DPP10: variants seen among roughly 807,000 people sequenced by gnomAD.
DPP10 encodes inactive dipeptidyl peptidase 10.
Under a neutral mutation model 120.9 loss-of-function variants are expected in DPP10, and 33 were observed. The ratio of observed to expected loss-of-function variants is 0.27; its 90% CI spans 0.21 to 0.37. The LOEUF (loss-of-function observed/expected upper bound fraction) is 0.37, where lower values mean the gene tolerates loss of function less well. Among genes scored for constraint, DPP10 ranks in the 10% least tolerant of loss-of-function variants. The probability of loss-of-function intolerance (pLI) is 1.00; values close to 1 mark genes in which losing one functional copy is unlikely to be tolerated. For synonymous variants in DPP10, 337 were observed against 326.1 expected, an observed-to-expected ratio of 1.03 and a Z score of -0.36; for missense variants, 816 against 942.8, an observed-to-expected ratio of 0.87 and a Z score of 1.76.
intron 1 of DPP10, among the ~76,000 whole-genome samples, chr2:114,529,549 C>T: frequency 6.6e-6 from 1 of 152,080 alleles, no homozygotes; most frequent in East Asian, 1.9e-4. Context: ...TTTTATTGTT[C>T]CTTGAAATTG....
chr2:115,832,339 A>T (rs529298282), intron 21 of DPP10, among the ~76,000 whole-genome samples: 20 of 152,086 alleles, frequency 1.3e-4, no homozygotes, highest in Non-Finnish European at 2.6e-4. Context: ...TAAATACAAA[A>T]ATTAGCTGGG....
chr2:115,599,204 A>G (rs766744669), intron 5 of DPP10, among the ~76,000 whole-genome samples: 2 of 152,106 alleles, frequency 1.3e-5, no homozygotes, highest in Non-Finnish European at 2.9e-5. Flanking sequence ...TAAATTTAAC[A>G]TCTTGTTCAT....
intron 3 of DPP10, among the ~76,000 whole-genome samples, chr2:115,382,539 G>A (rs955455584): frequency 6.6e-6 from 1 of 152,318 alleles, no homozygotes; most frequent in African/African-American, 2.4e-5. Flanking sequence ...CACCCTGGGA[G>A]CTGTAGACTG....
chr2:115,719,996 G>A (rs2092604609), intron 7 of DPP10, among the ~76,000 whole-genome samples: 1 of 152,116 alleles, frequency 6.6e-6, no homozygotes. Flanking sequence ...ATTTTTGTAT[G>A]CGTCTTTTGA....
chr2:115,306,578 T>A (rs906899602), intron 1 of DPP10, among the ~76,000 whole-genome samples: 4 of 152,060 alleles, frequency 2.6e-5, no homozygotes, highest in Non-Finnish European at 5.9e-5. Flanking sequence ...AACACCATGC[T>A]TTAGAAATGT....
At chr2:114,462,761 G>A (rs1361404401) in intron 1 of DPP10, among the ~76,000 whole-genome samples, 6 of 152,118 alleles carry the variant, frequency 3.9e-5, no homozygotes, top group African/African-American at 4.8e-5. Context: ...CTACCCTTAC[G>A]TGGTGGGGAA....
chr2:115,068,249 A>G (rs544917003), intron 1 of DPP10, among the ~76,000 whole-genome samples: 151 of 151,992 alleles, frequency 9.9e-4, no homozygotes, highest in Non-Finnish European at 1.9e-3. Context: ...TCTTTTTGAT[A>G]ATAGCCATTC....
intron 1 of DPP10, among the ~76,000 whole-genome samples, chr2:114,886,996 A>ATTTGTTG (rs1692126812): frequency 6.6e-5 from 10 of 151,988 alleles, no homozygotes; most frequent in Non-Finnish European, 1.0e-4. Flanking sequence ...ATTATTTGTT[A>ATTTGTTG]TATTTTGCTT....
chr2:115,157,626 G>T (rs1047846797), intron 1 of DPP10, among the ~76,000 whole-genome samples: 1 of 152,176 alleles, frequency 6.6e-6, no homozygotes. Context: ...TCAGCATACT[G>T]GTTTTCTGTC....
rs77555303 is a variant in DPP10, at chr2:114,580,172, A to G, written c.60+137334A>G. 9.2e-5 allele frequency among the ~76,000 whole-genome samples: 14 copies of G among 152,262 alleles called. No homozygotes were observed. The East Asian group carries it at 1.9e-3, about 21-fold the overall frequency. On this transcript the variant is annotated intron_variant, in intron 1 of 25. Transcript: ENST00000410059. ...CCTCAGTCTCCTGCCAGCAGAAGCAAATGTATTTTCTCCATTTAAAAGAGT... is the reference window on the plus strand; with the variant it reads ...CCTCAGTCTCCTGCCAGCAGAAGCAGATGTATTTTCTCCATTTAAAAGAGT...
rs141768041 is a variant in DPP10, at chr2:115,641,438, A to G, written c.442-48249A>G. On this transcript the variant is annotated intron_variant, in intron 5 of 25. Transcript: ENST00000410059. ...CCCCAAATGTGCCCACCTCATTTCC[A>G]TCTTTGTCTCTGCTCTTCCCGTTCA... 3.9e-5 allele frequency among the ~76,000 whole-genome samples: 6 copies of G among 152,212 alleles called. No individual in the cohort carries two copies. The East Asian group carries it at 1.2e-3, about 29-fold the overall frequency.
At chr2:115,489,532 C>G (rs1418403666) in intron 3 of DPP10, among the ~76,000 whole-genome samples, 1 of 151,132 alleles carries the variant, frequency 6.6e-6, no homozygotes, top group Non-Finnish European at 1.5e-5. Flanking sequence ...CCCTTTGTGG[C>G]TAATTAAAAA....
At chr2:114,740,791 G>T (rs1677972269) in intron 1 of DPP10, among the ~76,000 whole-genome samples, 1 of 152,190 alleles carries the variant, frequency 6.6e-6, no homozygotes, top group Non-Finnish European at 1.5e-5. Context: ...TGATTAGGTT[G>T]CTTTCCAAAA....
chr2:115,506,513 G>T (rs144761181), intron 4 of DPP10, among the ~76,000 whole-genome samples: 1 of 151,962 alleles, frequency 6.6e-6, no homozygotes, highest in African/African-American at 2.4e-5. Context: ...AATATTACTA[G>T]CTGAGAATTC....
intron 2 of DPP10, among the ~76,000 whole-genome samples, chr2:115,342,702 C>T (rs2063510125): frequency 6.6e-6 from 1 of 152,146 alleles, no homozygotes; most frequent in Admixed American, 6.5e-5. Flanking sequence ...TATATCATCA[C>T]CTAACAGCAT....
intron 1 of DPP10, among the ~76,000 whole-genome samples, chr2:114,873,082 A>G (rs961584457): frequency 1.3e-5 from 2 of 152,182 alleles, no homozygotes; most frequent in Non-Finnish European, 2.9e-5. Context: ...CAATTATCGA[A>G]GGCCACCATT....
chr2:115,529,225 C>A (rs909292489), intron 5 of DPP10, among the ~76,000 whole-genome samples: 2 of 151,630 alleles, frequency 1.3e-5, no homozygotes, highest in Admixed American at 6.6e-5. Flanking sequence ...GGCTGTAGTA[C>A]AATGCACGAT....
At chr2:115,127,046 G>T (rs1158798860) in intron 1 of DPP10, among the ~76,000 whole-genome samples, 1 of 152,150 alleles carries the variant, frequency 6.6e-6, no homozygotes. Context: ...CACACCTAAA[G>T]GATGGAAAAG....
At chr2:114,974,385 A>T (rs990396895) in intron 1 of DPP10, among the ~76,000 whole-genome samples, 1 of 148,518 alleles carries the variant, frequency 6.7e-6, no homozygotes, top group Non-Finnish European at 1.5e-5. Flanking sequence ...TATTCCATGT[A>T]GTCTTGGGAT....
Sources: gnomAD v4.1 joint callset for allele counts (sites outside exome capture counted in the v4.1 genomes callset) on GRCh38, gnomAD v4.1.1 for gene constraint, MANE v1.5 for transcripts, NCBI Gene and HGNC (gene_info 2026-07-23, HGNC 2026-07-21) for gene names.